The following MYT1L variants were observed in gnomAD, a reference collection of about 807,000 sequenced individuals.
The protein encoded by MYT1L is myelin transcription factor 1-like protein.
MYT1L carries 12 observed loss-of-function variants against 126.7 expected under a neutral mutation model. The ratio of observed to expected loss-of-function variants is 0.09; its 90% CI spans 0.06 to 0.15. MYT1L has a LOEUF of 0.15. Ranked by LOEUF, MYT1L falls within the 10% of genes least tolerant of loss-of-function variation. The pLI is 1.00. For synonymous variants in MYT1L, 541 were observed against 604.2 expected, an observed-to-expected ratio of 0.90 and a Z score of 1.53; for missense variants, 979 against 1,585.2, an observed-to-expected ratio of 0.62 and a Z score of 6.49.
At chr2:2,027,885 G>T (rs2065816175) in intron 4 of MYT1L, among the ~76,000 whole-genome samples, 1 of 152,296 alleles carries the variant, frequency 6.6e-6, no homozygotes, top group South Asian at 2.1e-4. Context: ...ATTATACATG[G>T]CAGCTAAGGT....
chr2:1,863,918 C>T (rs1443101886), intron 18 of MYT1L, among the ~76,000 whole-genome samples: 32 of 152,150 alleles, frequency 2.1e-4, no homozygotes, highest in Non-Finnish European at 4.6e-4. Context: ...CCATGGTTGA[C>T]GGAGGAAAGA....
chr2:2,083,212 C>T (rs544471397), intron 3 of MYT1L, among the ~76,000 whole-genome samples: 8 of 152,322 alleles, frequency 5.3e-5, no homozygotes, highest in South Asian at 2.1e-4. Flanking sequence ...CTAAGTGCTG[C>T]GGCTTTTCTC....
chr2:2,207,893 T>C (rs7587635), intron 2 of MYT1L, among the ~76,000 whole-genome samples: 24,709 of 152,174 alleles, frequency 0.16, 2,151 homozygotes, highest in African/African-American at 0.22. Context: ...GGGCATGATG[T>C]GCGGTGTATT....
At chr2:2,221,873 G>A (rs2093883813) in intron 2 of MYT1L, among the ~76,000 whole-genome samples, 1 of 152,118 alleles carries the variant, frequency 6.6e-6, no homozygotes, top group South Asian at 2.1e-4. Context: ...AAATTATTAG[G>A]TCCAGTCACT....
At chr2:1,942,848 G>C in intron 9 of MYT1L, 134 bp downstream of exon 9, 1 of 1,161,772 alleles carries the variant, frequency 8.6e-7, no homozygotes, top group South Asian at 1.7e-5. Context: ...TCATATAAGA[G>C]GTTAATTTTC....
intron 2 of MYT1L, among the ~76,000 whole-genome samples, chr2:2,269,484 A>G (rs546365783): frequency 6.6e-6 from 1 of 152,194 alleles, no homozygotes; most frequent in Non-Finnish European, 1.5e-5. Flanking sequence ...TGAGTGCTTT[A>G]TATGCAGGCA....
In MYT1L at chr2:1,943,234, A is replaced by G; in HGVS notation, c.253T>C (p.Ser85Pro). ...RKPFAVKADS[S>P]SVDECDDSDG... ...CTGTCGTCACACTCATCCACTGAGGAGCTGTCTGCTTTCACGGCAAATGGC... is the reference window on the plus strand; with the variant it reads ...CTGTCGTCACACTCATCCACTGAGGGGCTGTCTGCTTTCACGGCAAATGGC... Residue 85 changes from serine to proline, a missense_variant, in exon 9 of 25, where the codon TCC (serine) becomes CCC (proline). Around this residue, in one of 12 missense-constraint regions of MYT1L, gnomAD observed 111 missense variants for 115.9 expected, o/e 0.96. Coordinates refer to ENST00000647738, the MANE Select transcript of MYT1L (RefSeq NM_001303052.2). This position sits in a 1 kb window ranked among gnomAD's most constrained non-coding sequence, Gnocchi z 4.4. The G allele has an allele frequency of 6.4e-7, 1 of 1,553,558 alleles. No individual in the cohort carries two copies.
intron 2 of MYT1L, among the ~76,000 whole-genome samples, chr2:2,245,817 T>C (rs2094524163): frequency 6.6e-6 from 1 of 152,188 alleles, no homozygotes; most frequent in South Asian, 2.1e-4. Context: ...CAATCTTTTC[T>C]CATTTTTCAA....
At chr2:1,891,985 G>A in intron 15 of MYT1L, 52 bp downstream of exon 15, 1 of 1,454,262 alleles carries the variant, frequency 6.9e-7, no homozygotes, top group Non-Finnish European at 9.0e-7. Flanking sequence ...CTGGGTCCGC[G>A]GCCCGGCCTC....
intron 3 of MYT1L, among the ~76,000 whole-genome samples, chr2:2,067,034 T>C (rs1367928141): frequency 2.6e-5 from 4 of 152,208 alleles, no homozygotes; most frequent in Non-Finnish European, 4.4e-5. Flanking sequence ...TCTTCTCCAA[T>C]AGATAATGTG....
chr2:2,054,898 T>C (rs1440952012), intron 3 of MYT1L, among the ~76,000 whole-genome samples: 1 of 150,010 alleles, frequency 6.7e-6, no homozygotes, highest in Non-Finnish European at 1.5e-5. Context: ...ATGGAGATGG[T>C]GAGATGCATG....
chr2:2,295,767 CAGAGAGAGAGATAGAG>C (rs2095680991), intron 1 of MYT1L, among the ~76,000 whole-genome samples: 2 of 16,808 alleles, frequency 1.2e-4, no homozygotes, highest in South Asian at 2.3e-3. Context: ...GACAGACAGA[CAGAGAGAGAGATAGAG>C]AGACAGACAG....
intron 9 of MYT1L, among the ~76,000 whole-genome samples, chr2:1,936,758 G>T (rs989639535): frequency 8.5e-5 from 13 of 152,146 alleles, no homozygotes; most frequent in Admixed American, 2.6e-4. Flanking sequence ...TCAATATGGA[G>T]AATGGTGTCC....
chr2:1,950,576 AG>A (rs1478512341), intron 8 of MYT1L, among the ~76,000 whole-genome samples: 1 of 152,010 alleles, frequency 6.6e-6, no homozygotes, highest in Non-Finnish European at 1.5e-5. Flanking sequence ...GAGAGGACAG[AG>A]GAGGCTTCAC....
chr2:1,845,063 C>T (rs1391616519), intron 19 of MYT1L, among the ~76,000 whole-genome samples: 2 of 151,902 alleles, frequency 1.3e-5, no homozygotes, highest in Non-Finnish European at 2.9e-5. Context: ...GCTGAAGCCT[C>T]CGCCTCCCAG....
chr2:2,260,692 T>C (rs926916986), intron 2 of MYT1L, among the ~76,000 whole-genome samples: 18 of 152,208 alleles, frequency 1.2e-4, no homozygotes, highest in South Asian at 2.1e-4. Flanking sequence ...AGACTCTGCT[T>C]TATTAAAATT....
intron 3 of MYT1L, among the ~76,000 whole-genome samples, chr2:2,118,116 AT>A (rs1460578826): frequency 6.7e-6 from 1 of 148,934 alleles, no homozygotes; most frequent in Non-Finnish European, 1.5e-5. Context: ...ATTTTTATAT[AT>A]AATATTTTAT....
At chr2:2,162,594 A>C (rs936776494) in intron 3 of MYT1L, among the ~76,000 whole-genome samples, 3 of 152,274 alleles carry the variant, frequency 2.0e-5, no homozygotes, top group Non-Finnish European at 4.4e-5. Flanking sequence ...GACTAAGGGA[A>C]CACTGTGGCC....
chr2:2,184,282 G>A (rs1283554787), intron 2 of MYT1L, among the ~76,000 whole-genome samples: 3 of 152,134 alleles, frequency 2.0e-5, no homozygotes, highest in Admixed American at 6.6e-5. Context: ...ATACATTACA[G>A]TGTTAATGCA....
Sources: gnomAD v4.1 joint callset for allele counts (sites outside exome capture counted in the v4.1 genomes callset) on GRCh38, gnomAD v4.1.1 for gene constraint, gnomAD v4.1.1 regional missense constraint, Gnocchi (gnomAD v3.1) non-coding constraint, MANE v1.5 for transcripts, NCBI Gene and HGNC (gene_info 2026-07-23, HGNC 2026-07-21) for gene names.